The following FMN2 variants were observed in gnomAD, a reference collection of about 807,000 sequenced individuals.
FMN2 encodes the protein formin-2.
A neutral mutation model predicts 142.3 loss-of-function variants in FMN2; 51 were observed. The ratio of observed to expected loss-of-function variants is 0.36; its 90% CI spans 0.29 to 0.45. The LOEUF (loss-of-function observed/expected upper bound fraction) is 0.45, where lower values mean the gene tolerates loss of function less well. FMN2 is among the 20% of genes least tolerant of loss of function. The pLI, the probability that FMN2 is intolerant of heterozygous loss-of-function variation, is 1.00. For synonymous variants in FMN2, 882 were observed against 869.8 expected (o/e 1.01, Z -0.25); for missense variants, 1,936 against 2,122.8 (o/e 0.91, Z 1.73).
intron 4 of FMN2, among the ~76,000 whole-genome samples, chr1:240,203,639 G>T (rs1666216469): frequency 6.6e-6 from 1 of 152,056 alleles, no homozygotes; most frequent in Non-Finnish European, 1.5e-5. Flanking sequence ...GGGGAACAAG[G>T]CACACTGGGG....
intron 1 of FMN2, among the ~76,000 whole-genome samples, chr1:240,108,190 T>C (rs1448604463): frequency 6.6e-6 from 1 of 152,200 alleles, no homozygotes; most frequent in Non-Finnish European, 1.5e-5. Flanking sequence ...AGGGAGTTCA[T>C]CATCCTTGTG....
intron 14 of FMN2, among the ~76,000 whole-genome samples, chr1:240,371,032 G>C (rs1377234355): frequency 6.6e-6 from 1 of 152,112 alleles, no homozygotes; most frequent in East Asian, 1.9e-4. Context: ...TCCGCCTCCT[G>C]GGTTCAGGCA....
At chr1:240,238,812 G>A (rs189121317) in intron 6 of FMN2, among the ~76,000 whole-genome samples, 2 of 152,110 alleles carry the variant, frequency 1.3e-5, no homozygotes, top group Non-Finnish European at 2.9e-5. Context: ...ATACACGGTG[G>A]AATAGTAACA....
intron 7 of FMN2, among the ~76,000 whole-genome samples, chr1:240,282,641 G>A (rs368391106): frequency 2.0e-5 from 3 of 152,186 alleles, no homozygotes; most frequent in Admixed American, 6.5e-5. Context: ...CTGGCAAGAT[G>A]CCCACGTTTG....
At chr1:240,299,550 A>T (rs146267375) in intron 8 of FMN2, among the ~76,000 whole-genome samples, 1 of 152,286 alleles carries the variant, frequency 6.6e-6, no homozygotes, top group African/African-American at 2.4e-5. Flanking sequence ...CAATAATCTG[A>T]TCCCGTTATG....
intron 16 of FMN2, among the ~76,000 whole-genome samples, chr1:240,463,889 G>A (rs1676526294): frequency 6.6e-6 from 1 of 152,214 alleles, no homozygotes; most frequent in Admixed American, 6.5e-5. Context: ...TGTGCTCCCA[G>A]CTACTCGGGA....
intron 4 of FMN2, among the ~76,000 whole-genome samples, chr1:240,204,897 A>C (rs1331734021): frequency 6.6e-6 from 1 of 152,218 alleles, no homozygotes; most frequent in Non-Finnish European, 1.5e-5. Context: ...TTTCCACTGC[A>C]AATGGGTTGG....
Position 240,123,301 on chromosome 1 carries a change from G to C in FMN2, c.1738G>C (p.Glu580Gln), listed in dbSNP as rs1214372909. ...LLLPFSDCFR[E>Q]PCNQNAQTNA... Reference sequence around the variant, plus strand: ...CCTTCCTTTTAGTGATTGCTTCAGGGAACCGTGTAATCAGAATGCCCAGAC... The same window carrying C: ...CCTTCCTTTTAGTGATTGCTTCAGGCAACCGTGTAATCAGAATGCCCAGAC... The change falls in exon 2 of 18, where the codon GAA becomes CAA. Residue 580 changes from glutamate (E) to glutamine (Q), a missense_variant. Coordinates refer to ENST00000319653, the MANE Select transcript of FMN2 (RefSeq NM_020066.5). 1.2e-6 allele frequency: 2 copies of C among 1,614,100 alleles called. No individual in the cohort carries two copies. The highest frequency in any genetic ancestry group is 1.7e-6 in the Non-Finnish European group (2 of 1,180,026).
intron 16 of FMN2, among the ~76,000 whole-genome samples, chr1:240,465,987 G>T (rs1219449982): frequency 6.6e-6 from 1 of 152,158 alleles, no homozygotes; most frequent in Non-Finnish European, 1.5e-5. Context: ...GGGTTACGTA[G>T]GGAGAGTGTA....
chr1:240,413,782 TA>T (rs1282416635), intron 15 of FMN2, among the ~76,000 whole-genome samples: 5 of 152,232 alleles, frequency 3.3e-5, no homozygotes, highest in African/African-American at 1.2e-4. Context: ...CTTTATGTTA[TA>T]AACTGCATTC....
At chr1:240,287,943 C>T (rs1669647930) in intron 7 of FMN2, among the ~76,000 whole-genome samples, 1 of 152,142 alleles carries the variant, frequency 6.6e-6, no homozygotes, top group Non-Finnish European at 1.5e-5. Flanking sequence ...GGCAATGTGA[C>T]ATGACATATT....
intron 4 of FMN2, among the ~76,000 whole-genome samples, chr1:240,202,526 G>A (rs933854280): frequency 6.6e-6 from 1 of 152,044 alleles, no homozygotes; most frequent in Non-Finnish European, 1.5e-5. Flanking sequence ...TAGAGGCAGA[G>A]TCTCACTCTG....
chr1:240,101,821 C>T (rs1423394802), intron 1 of FMN2, among the ~76,000 whole-genome samples: 2 of 149,492 alleles, frequency 1.3e-5, no homozygotes, highest in African/African-American at 4.9e-5. Flanking sequence ...GATGGTTGAT[C>T]GTGTGTTATG....
intron 6 of FMN2, among the ~76,000 whole-genome samples, chr1:240,226,216 AC>A (rs1336606620): frequency 6.6e-6 from 1 of 150,748 alleles, no homozygotes. Flanking sequence ...TCATAGATAA[AC>A]ATAAAGAGAT....
rs1666409269 is a variant in FMN2 at position 240,207,445 on chromosome 1, C to A, written c.2633C>A (p.Pro878His). 6 of 1,613,538 alleles carry A rather than the reference C, an allele frequency of 3.7e-6. No homozygotes were observed. Among genetic ancestry groups the A allele is most frequent in the Non-Finnish European group, 3.4e-6 (4 of 1,179,684 alleles). ...SSMPGLGMVP[P>H]PPPPLPGMTV... ...ATGCCTGGCCTGGGCATGGTGCCTC[C>A]CCCACCTCCCCCTCTCCCTGGCATG... The change falls in exon 5 of 18, where the codon CCC becomes CAC. Residue 878 changes from proline (P) to histidine (H), a missense_variant. Around this residue, in one of 8 missense-constraint regions of FMN2, gnomAD observed 478 missense variants for 462.8 expected, o/e 1.03. Transcript: ENST00000319653.
chr1:240,235,051 G>T (rs934687577), intron 6 of FMN2, among the ~76,000 whole-genome samples: 1 of 151,994 alleles, frequency 6.6e-6, no homozygotes, highest in Non-Finnish European at 1.5e-5. Flanking sequence ...ATTCTTCAAA[G>T]AATCTATAAC....
At chr1:240,433,939 C>G (rs1675266642) in intron 15 of FMN2, among the ~76,000 whole-genome samples, 1 of 152,106 alleles carries the variant, frequency 6.6e-6, no homozygotes, top group Non-Finnish European at 1.5e-5. Context: ...GTGTGGGATT[C>G]AGAGAAATTC....
chr1:240,365,091 T>C (rs1672617815), intron 14 of FMN2, among the ~76,000 whole-genome samples: 1 of 152,232 alleles, frequency 6.6e-6, no homozygotes, highest in Non-Finnish European at 1.5e-5. Context: ...ATTTCATTTC[T>C]AGCCTTCCAG....
At chr1:240,360,899 C>G (rs901325420) in intron 14 of FMN2, among the ~76,000 whole-genome samples, 1 of 151,570 alleles carries the variant, frequency 6.6e-6, no homozygotes, top group East Asian at 2.0e-4. Context: ...CATGTTCTCA[C>G]TCATAGGTGG....
Sources: allele counts gnomAD v4.1 joint callset (sites outside exome capture counted in the v4.1 genomes callset), GRCh38; gene constraint gnomAD v4.1.1; regional missense constraint gnomAD v4.1.1; transcripts MANE v1.5; gene names NCBI Gene and HGNC (gene_info 2026-07-23, HGNC 2026-07-21).